Variants in PCDH7 observed in about 807,000 individuals in gnomAD.
PCDH7 encodes the protein protocadherin 7.
In PCDH7, 17 loss-of-function variants were observed where a neutral mutation model predicts 58.9. That is an observed-to-expected ratio of 0.29 (90% confidence interval 0.20 to 0.43). The LOEUF (loss-of-function observed/expected upper bound fraction) is 0.43, where lower values mean the gene tolerates loss of function less well. Among genes scored for constraint, PCDH7 ranks in the 20% least tolerant of loss-of-function variants. The pLI, the probability that PCDH7 is intolerant of heterozygous loss-of-function variation, is 1.00. For synonymous variants in PCDH7, 664 were observed against 616.4 expected (o/e 1.08, Z -1.14); for missense variants, 1,274 against 1,441.0 (o/e 0.88, Z 1.88).
intron 3 of PCDH7, among the ~76,000 whole-genome samples, chr4:31,127,693 T>C (rs1718466645): frequency 6.6e-6 from 1 of 152,130 alleles, no homozygotes; most frequent in Non-Finnish European, 1.5e-5. Flanking sequence ...GTTGAGGATG[T>C]AACTAACTCT....
intron 3 of PCDH7, among the ~76,000 whole-genome samples, chr4:31,092,484 A>G (rs970482450): frequency 6.6e-6 from 1 of 152,046 alleles, no homozygotes; most frequent in African/African-American, 2.4e-5. Flanking sequence ...AAGGGCTCCT[A>G]GAGATCATCT....
At chr4:30,946,844 G>A (rs1051394948) in intron 2 of PCDH7, among the ~76,000 whole-genome samples, 2 of 151,656 alleles carry the variant, frequency 1.3e-5, no homozygotes, top group Non-Finnish European at 2.9e-5. Context: ...CAAGTAGCTG[G>A]GATTACAGGC....
At chr4:30,819,845 A>T (rs1728156962) in intron 1 of PCDH7, among the ~76,000 whole-genome samples, 1 of 152,106 alleles carries the variant, frequency 6.6e-6, no homozygotes. Flanking sequence ...AATATGTGTA[A>T]TGGTGCCTCT....
intron 3 of PCDH7, among the ~76,000 whole-genome samples, chr4:31,083,415 T>C (rs1711882936): frequency 6.6e-6 from 1 of 152,188 alleles, no homozygotes; most frequent in Admixed American, 6.5e-5. Flanking sequence ...AAAGAGATTT[T>C]TATTTAACAT....
At chr4:30,786,665 A>G (rs1330469978) in intron 1 of PCDH7, 1 of 546,132 alleles carries the variant, frequency 1.8e-6, no homozygotes, top group African/African-American at 2.1e-5. Flanking sequence ...CTTTGGAACT[A>G]GGCTGGCAAA....
rs1190443409 is a variant in PCDH7, at chr4:31,097,587, CATATATATAT to C, written c.*8-44844_*8-44835del. Among the ~76,000 whole-genome samples the C allele has an allele frequency of 7.3e-3, 293 of 40,028 alleles. 3 individuals carry two copies. Among genetic ancestry groups the C allele is most frequent in the Non-Finnish European group, 0.012 (232 of 18,778 alleles). 26.3% of individuals were successfully genotyped at this position (40,028 alleles called of 152,430 possible). ...TGTGGCTGTTTTTCCTCCAAATATA[CATATATATAT>C]ATATATATATATATATATATATATA... On this transcript the variant is annotated intron_variant, in intron 3 of 3. Coordinates refer to the PCDH7 transcript ENST00000509759.
chr4:30,789,908 G>A (rs73213190), intron 1 of PCDH7, among the ~76,000 whole-genome samples: 93 of 152,164 alleles, frequency 6.1e-4, no homozygotes, highest in Non-Finnish European at 1.1e-3. Context: ...CTATTTTGGG[G>A]GAAAAGAAAA....
In PCDH7 at chr4:31,000,815, G is replaced by A. The variant is rs960804133; in HGVS notation, c.*7+50600G>A. On this transcript the variant is annotated intron_variant, in intron 3 of 3. Transcript: ENST00000509759. ...TTTGAAACCAGAAAATAACCTAAAT[G>A]GTGGCTCTTACAGCTAGTAAAATGG... Among the ~76,000 whole-genome samples the A allele has an allele frequency of 3.9e-5, 6 of 152,090 alleles. No individual in the cohort carries two copies. In the East Asian group the frequency reaches 5.8e-4, roughly 15 times the overall value.
intron 1 of PCDH7, among the ~76,000 whole-genome samples, chr4:30,745,164 A>G (rs1717606290): frequency 6.6e-6 from 1 of 152,164 alleles, no homozygotes; most frequent in South Asian, 2.1e-4. Context: ...CTCCCATGGC[A>G]ACTTCTTTGA....
intron 1 of PCDH7, chr4:30,776,224 T>G (rs534126459): frequency 6.6e-6 from 1 of 152,360 alleles, no homozygotes; most frequent in South Asian, 2.1e-4. Context: ...CCACATTCAT[T>G]GACTTAAACC....
chr4:30,842,397 T>C (rs1197329019), intron 1 of PCDH7, among the ~76,000 whole-genome samples: 1 of 152,178 alleles, frequency 6.6e-6, no homozygotes, highest in Non-Finnish European at 1.5e-5. Context: ...TATCATGTTC[T>C]CTTTTGAAGC....
intron 3 of PCDH7, among the ~76,000 whole-genome samples, chr4:30,963,758 C>G (rs1039456026): frequency 6.6e-6 from 1 of 152,116 alleles, no homozygotes; most frequent in East Asian, 1.9e-4. Flanking sequence ...AAGTGAACTA[C>G]CCCTTTTTCT....
intron 1 of PCDH7, among the ~76,000 whole-genome samples, chr4:30,823,374 A>G (rs564306537): frequency 1.6e-3 from 242 of 152,294 alleles, no homozygotes; most frequent in African/African-American, 5.4e-3. Context: ...CAAGGCAAGC[A>G]TGTCGTCACC....
At chr4:30,833,787 A>G (rs565490853) in intron 1 of PCDH7, among the ~76,000 whole-genome samples, 1 of 152,368 alleles carries the variant, frequency 6.6e-6, no homozygotes, top group African/African-American at 2.4e-5. Context: ...TGTTACATGC[A>G]CTATGTGCCA....
intron 3 of PCDH7, among the ~76,000 whole-genome samples, chr4:31,049,982 A>G (rs1756607589): frequency 6.6e-6 from 1 of 152,174 alleles, no homozygotes; most frequent in African/African-American, 2.4e-5. Flanking sequence ...TACACTAAAA[A>G]TAGGGGAAGT....
chr4:31,032,446 A>G (rs1755008847), intron 3 of PCDH7, among the ~76,000 whole-genome samples: 1 of 152,026 alleles, frequency 6.6e-6, no homozygotes, highest in African/African-American at 2.4e-5. Context: ...CGTCTCTACT[A>G]AAAATACAAA....
intron 3 of PCDH7, among the ~76,000 whole-genome samples, chr4:31,108,956 C>A (rs374393128): frequency 1.6e-4 from 24 of 152,228 alleles, no homozygotes; most frequent in African/African-American, 5.5e-4. Context: ...TCTGCTTCTG[C>A]GGTCCACTAG....
chr4:30,772,736 CT>C (rs1721576547), intron 1 of PCDH7, among the ~76,000 whole-genome samples: 2 of 152,168 alleles, frequency 1.3e-5, no homozygotes, highest in Non-Finnish European at 1.5e-5. Context: ...TAAACACTTA[CT>C]GTGTGCCCAA....
At chr4:31,116,898 C>T (rs1334230508) in intron 3 of PCDH7, among the ~76,000 whole-genome samples, 5 of 152,012 alleles carry the variant, frequency 3.3e-5, no homozygotes, top group African/African-American at 7.2e-5. Context: ...TGCAATGGCG[C>T]GATCTCGGCT....
Sources: allele counts gnomAD v4.1 joint callset (sites outside exome capture counted in the v4.1 genomes callset), GRCh38; gene constraint gnomAD v4.1.1; transcripts MANE v1.5; gene names NCBI Gene and HGNC (gene_info 2026-07-23, HGNC 2026-07-21).